Variants in CFAP54 observed in about 807,000 individuals in gnomAD.
CFAP54 encodes the protein cilia and flagella associated protein 54.
CFAP54 carries 290 observed loss-of-function variants against 370.4 expected under a neutral mutation model. The ratio of observed to expected loss-of-function variants is 0.78; its 90% CI spans 0.71 to 0.86. CFAP54 has a LOEUF of 0.86. Among genes scored for constraint, CFAP54 ranks in the 40% least tolerant of loss-of-function variants. The pLI is 0.00. For missense variants in CFAP54, 3,399 were observed against 3,528.7 expected, an observed-to-expected ratio of 0.96 and a Z score of 0.93; for synonymous variants, 1,206 against 1,236.5, an observed-to-expected ratio of 0.98 and a Z score of 0.52.
Position 96,704,802 on chromosome 12 carries a change from G to T in CFAP54, c.6528+6G>T, listed in dbSNP as rs971807718. 6 of 1,032,556 alleles carry T rather than the reference G, an allele frequency of 5.8e-6. No homozygotes were observed. The highest frequency in any genetic ancestry group is 8.4e-6 in the Non-Finnish European group (6 of 717,802). 64.0% of individuals were successfully genotyped at this position (1,032,556 alleles called of 1,614,324 possible). A position where few individuals can be genotyped will look rare whatever the true frequency, so the allele number is the denominator to read the frequency against. ...CCAGTAAAGAAAATATACAGGTAAG[G>T]ATAATAATATTTTATAAACATGGTT... is the stretch of plus-strand genomic sequence containing the variant. On this transcript the variant is annotated splice_donor_region_variant and intron_variant, in intron 47 of 67. Coordinates refer to ENST00000524981, the MANE Select transcript of CFAP54 (RefSeq NM_001306084.2).
intron 23 of CFAP54, among the ~76,000 whole-genome samples, chr12:96,591,822 C>T (rs1243196057): frequency 4.0e-5 from 6 of 148,990 alleles, no homozygotes; most frequent in African/African-American, 1.2e-4. Context: ...ACCCGGGAGG[C>T]GGAGCTTGCA....
At chr12:96,699,104 C>A (rs1217829111) in intron 45 of CFAP54, among the ~76,000 whole-genome samples, 1 of 152,164 alleles carries the variant, frequency 6.6e-6, no homozygotes, top group Admixed American at 6.5e-5. Context: ...CTCTCCTATG[C>A]AAACATCTGA....
chr12:96,692,936 G>A (rs1042406604), intron 44 of CFAP54, among the ~76,000 whole-genome samples: 6 of 152,168 alleles, frequency 3.9e-5, no homozygotes, highest in African/African-American at 1.4e-4. Flanking sequence ...CTTCAGGTTT[G>A]ATTTGAGGTC....
Position 96,673,827 on chromosome 12 carries a change from A to G in CFAP54, c.5564-5773A>G, listed in dbSNP as rs1158533684. On this transcript the variant is annotated intron_variant, in intron 39 of 67. Coordinates refer to ENST00000524981, the MANE Select transcript of CFAP54 (RefSeq NM_001306084.2). ...TTAATTCTTCAGAATAGATATTGCAATGCTCCAGTGCCTAGGAACATTTGG... is the reference window on the plus strand; with the variant it reads ...TTAATTCTTCAGAATAGATATTGCAGTGCTCCAGTGCCTAGGAACATTTGG... 2.0e-5 allele frequency among the ~76,000 whole-genome samples: 3 copies of G among 152,202 alleles called. No individual in the cohort carries two copies. The East Asian group carries it at 5.8e-4, about 29-fold the overall frequency.
At chr12:96,607,305 C>G (rs573891755) in intron 26 of CFAP54, among the ~76,000 whole-genome samples, 19 of 151,232 alleles carry the variant, frequency 1.3e-4, no homozygotes, top group Non-Finnish European at 2.8e-4. Flanking sequence ...TTACTCTCAT[C>G]ATGTTGGAAA....
At position 96,641,817 on chromosome 12, in the gene CFAP54, T is replaced by C. The variant is rs1359431454; in HGVS notation, c.4317-2361T>C. 2.0e-5 allele frequency among the ~76,000 whole-genome samples: 3 copies of C among 151,900 alleles called. No individual in the cohort carries two copies. The South Asian group carries it at 6.2e-4, about 31-fold the overall frequency. ...GCTGGAAACTATCATTCTCAGCAAA[T>C]TGTCACAAGGACAAAAAACCAAACA... On this transcript the variant is annotated intron_variant, in intron 32 of 67. Coordinates refer to ENST00000524981, the MANE Select transcript of CFAP54 (RefSeq NM_001306084.2).
intron 55 of CFAP54, among the ~76,000 whole-genome samples, chr12:96,752,807 T>C (rs1203695844): frequency 6.6e-6 from 1 of 152,174 alleles, no homozygotes; most frequent in Non-Finnish European, 1.5e-5. Flanking sequence ...ACCTCCCTCT[T>C]AAGAGATAGT....
At chr12:96,868,046 A>T (rs897146029) in intron 67 of CFAP54, among the ~76,000 whole-genome samples, 4 of 152,178 alleles carry the variant, frequency 2.6e-5, no homozygotes, top group African/African-American at 9.7e-5. Flanking sequence ...ATCAATTTAA[A>T]AAAAAGACTC....
chr12:96,513,610 A>G (rs1241161370), intron 5 of CFAP54, among the ~76,000 whole-genome samples: 1 of 152,152 alleles, frequency 6.6e-6, no homozygotes, highest in African/African-American at 2.4e-5. Context: ...ACCTGGTGGC[A>G]CATGCCTGTA....
At chr12:96,499,329 A>C (rs1954996475) in intron 1 of CFAP54, among the ~76,000 whole-genome samples, 1 of 152,202 alleles carries the variant, frequency 6.6e-6, no homozygotes, top group South Asian at 2.1e-4. Flanking sequence ...ACCTCACCAA[A>C]GAAGACATAC....
At chr12:96,689,421 A>G (rs1957365584) in intron 43 of CFAP54, among the ~76,000 whole-genome samples, 1 of 152,138 alleles carries the variant, frequency 6.6e-6, no homozygotes, top group South Asian at 2.1e-4. Context: ...TTGGCCTCCC[A>G]AAGTGCTGGG....
intron 50 of CFAP54, among the ~76,000 whole-genome samples, chr12:96,723,579 A>T (rs1324521038): frequency 6.6e-6 from 1 of 152,126 alleles, no homozygotes; most frequent in Non-Finnish European, 1.5e-5. Flanking sequence ...TAACTTTAGA[A>T]GATGCTTGGG....
At chr12:96,693,619 A>G in intron 44 of CFAP54, 103 bp from the exon 45 acceptor site, 1 of 656,420 alleles carries the variant, frequency 1.5e-6, no homozygotes, top group South Asian at 2.3e-5. Context: ...AAAGCAAATC[A>G]GTATATAACA....
rs145917210 is a variant in CFAP54, at chr12:96,491,303, G to C, written c.317+1377G>C. ...GATGGGAAAGACCTGGGGTGGAATT[G>C]TATTGTGGGAAGAGCAAGAGGGAGG... On this transcript the variant is annotated intron_variant, in intron 1 of 67. Transcript: ENST00000524981. 2.6e-5 allele frequency among the ~76,000 whole-genome samples: 4 copies of C among 152,272 alleles called. No homozygotes were observed. In the East Asian group the frequency reaches 7.7e-4, roughly 29 times the overall value.
At chr12:96,796,338 T>C (rs1159879742) in intron 63 of CFAP54, among the ~76,000 whole-genome samples, 1 of 152,242 alleles carries the variant, frequency 6.6e-6, no homozygotes, top group Non-Finnish European at 1.5e-5. Flanking sequence ...TCAGATGTTT[T>C]TCATATCACG....
At chr12:96,539,936 C>G in intron 13 of CFAP54, among the ~76,000 whole-genome samples, 1 of 152,098 alleles carries the variant, frequency 6.6e-6, no homozygotes, top group East Asian at 1.9e-4. Context: ...AATTTGGAAG[C>G]TGCATAAGAT....
intron 39 of CFAP54, among the ~76,000 whole-genome samples, chr12:96,667,850 A>G (rs1020366086): frequency 6.6e-6 from 1 of 152,122 alleles, no homozygotes; most frequent in Non-Finnish European, 1.5e-5. Context: ...GATTTTCCCA[A>G]TGTTTATGCT....
intron 26 of CFAP54, among the ~76,000 whole-genome samples, chr12:96,612,473 G>A (rs1376670819): frequency 3.9e-5 from 6 of 152,272 alleles, no homozygotes; most frequent in Admixed American, 2.0e-4. Context: ...GGAAGAAACT[G>A]CATCAACTAA....
chr12:96,495,370 G>A (rs558504807), intron 1 of CFAP54, among the ~76,000 whole-genome samples: 7 of 151,348 alleles, frequency 4.6e-5, no homozygotes, highest in Admixed American at 3.3e-4. Context: ...TGCAGTAGCC[G>A]GATCTTGGCT....
Sources: gnomAD v4.1 joint callset for allele counts (sites outside exome capture counted in the v4.1 genomes callset) on GRCh38, gnomAD v4.1.1 for gene constraint, MANE v1.5 for transcripts, NCBI Gene and HGNC (gene_info 2026-07-23, HGNC 2026-07-21) for gene names.